FANK1: variants seen among roughly 807,000 people sequenced by gnomAD.
FANK1 encodes the protein fibronectin type III and ankyrin repeat domains 1.
Under a neutral mutation model 45.3 loss-of-function variants are expected in FANK1, and 44 were observed. That is an observed-to-expected ratio of 0.97 (90% CI 0.76 to 1.25). The LOEUF (loss-of-function observed/expected upper bound fraction) is 1.25. FANK1 is among the 50% of genes most tolerant of loss of function. The pLI is 0.00. For missense variants in FANK1, 391 were observed against 424.4 expected, an observed-to-expected ratio of 0.92 and a Z score of 0.69; for synonymous variants, 149 against 152.5, an observed-to-expected ratio of 0.98 and a Z score of 0.17.
chr10:125,946,299 C>T (rs1948795770), intron 1 of FANK1, among the ~76,000 whole-genome samples: 1 of 149,648 alleles, frequency 6.7e-6, no homozygotes, highest in African/African-American at 2.4e-5. Flanking sequence ...TTCAGACGAT[C>T]AAATTACTCT....
At chr10:125,934,736 T>G (rs892674160) in intron 1 of FANK1, among the ~76,000 whole-genome samples, 27 of 126,238 alleles carry the variant, frequency 2.1e-4, no homozygotes, top group South Asian at 1.1e-3. Flanking sequence ...TTTTTTTTTT[T>G]TTTTTTTTTT....
At chr10:125,972,207 T>C (rs1404282096) in intron 1 of FANK1, 6 of 152,194 alleles carry the variant, frequency 3.9e-5, no homozygotes, top group African/African-American at 4.8e-5. Flanking sequence ...TTAAGTGTCA[T>C]ATAAGTGTTG....
At chr10:125,924,183 TTTG>T (rs1947153485) in intron 1 of FANK1, among the ~76,000 whole-genome samples, 1 of 152,204 alleles carries the variant, frequency 6.6e-6, no homozygotes, top group African/African-American at 2.4e-5. Context: ...ATTTCATTTG[TTTG>T]TTATGTTTTT....
chr10:125,930,738 A>G (rs1258016670), intron 1 of FANK1, among the ~76,000 whole-genome samples: 1 of 152,012 alleles, frequency 6.6e-6, no homozygotes, highest in Non-Finnish European at 1.5e-5. Flanking sequence ...ATTTTCCACA[A>G]GTTATTAGGG....
At chr10:125,913,298 T>TGCATGACACCCAAACTCATG (rs1946179854) in intron 1 of FANK1, among the ~76,000 whole-genome samples, 1 of 152,072 alleles carries the variant, frequency 6.6e-6, no homozygotes. Context: ...CCAAACTCAT[T>TGCATGACACCCAAACTCATG]CTGCATGACA....
chr10:125,974,260 A>G (rs11244740), intron 1 of FANK1, among the ~76,000 whole-genome samples: 56,286 of 152,074 alleles, frequency 0.37, 10,720 homozygotes, highest in South Asian at 0.45. Flanking sequence ...TGTGTGCCCC[A>G]CTGGCCTGGG....
At chr10:125,949,849 T>C (rs1381149531) in intron 1 of FANK1, among the ~76,000 whole-genome samples, 7 of 147,640 alleles carry the variant, frequency 4.7e-5, no homozygotes, top group Non-Finnish European at 1.1e-4. Context: ...GGCATCACAC[T>C]ACCTGACTTC....
intron 1 of FANK1, among the ~76,000 whole-genome samples, chr10:125,920,759 C>T (rs1946888650): frequency 6.6e-6 from 1 of 151,856 alleles, no homozygotes; most frequent in Admixed American, 6.6e-5. Context: ...TAGGTGAGGC[C>T]CTTGATTAGA....
At chr10:125,941,837 G>A (rs1404660564) in intron 1 of FANK1, among the ~76,000 whole-genome samples, 1 of 152,236 alleles carries the variant, frequency 6.6e-6, no homozygotes, top group African/African-American at 2.4e-5. Flanking sequence ...TAGCAGCAAA[G>A]CCAAACAATA....
At chr10:125,938,060 T>G (rs1249659853) in intron 1 of FANK1, among the ~76,000 whole-genome samples, 3 of 152,200 alleles carry the variant, frequency 2.0e-5, no homozygotes, top group African/African-American at 7.2e-5. Context: ...ATATGTTTAT[T>G]GGTATATATA....
chr10:126,008,634 T>C (rs985870438), intron 8 of FANK1, 84 bp downstream of exon 8: 70 of 1,490,388 alleles, frequency 4.7e-5, no homozygotes, highest in Middle Eastern at 2.1e-4. Context: ...TTCTTGTGAG[T>C]TCAGCCCTGC....
In FANK1 at chr10:126,008,399, C is replaced by T. The variant is rs764751751; in HGVS notation, c.706-8C>T. On this transcript the variant is annotated splice_region_variant and splice_polypyrimidine_tract_variant and intron_variant, in intron 7 of 10. Transcript: ENST00000368693. ...GGGCTCAACACAGCTGTTTCTCTGG[C>T]CCAACAGGTAGACGTCGTGGACACT... is the stretch of plus-strand genomic sequence containing the variant. The T allele has an allele frequency of 6.3e-7, 1 of 1,583,286 alleles. No homozygotes were observed.
intron 3 of FANK1, among the ~76,000 whole-genome samples, chr10:125,991,238 GT>G (rs1951905261): frequency 9.1e-6 from 1 of 109,492 alleles, no homozygotes; most frequent in South Asian, 2.8e-4. Context: ...TGAGTGTGTG[GT>G]GGTGACCAGG....
chr10:125,922,966 A>T (rs1195044317), intron 1 of FANK1, among the ~76,000 whole-genome samples: 1 of 150,972 alleles, frequency 6.6e-6, no homozygotes, highest in Non-Finnish European at 1.5e-5. Flanking sequence ...TTATTCTCTC[A>T]GTTTGTGTTA....
At position 125,914,735 on chromosome 10, in the gene FANK1, T is replaced by C. The variant is rs1013065958; in HGVS notation, c.13+18080T>C. On this transcript the variant is annotated intron_variant, in intron 1 of 10. Transcript: ENST00000368693. ...GCTCAGATATTGGCTCAGTGGAAAA[T>C]GTGTGGTCTGAAGCTGTAGTCTCCT... is the stretch of plus-strand genomic sequence containing the variant. 6.6e-5 allele frequency among the ~76,000 whole-genome samples: 10 copies of C among 151,942 alleles called. No individual in the cohort carries two copies. The East Asian group carries it at 1.2e-3, about 18-fold the overall frequency.
intron 1 of FANK1, among the ~76,000 whole-genome samples, chr10:125,944,779 T>C (rs542225035): frequency 6.6e-6 from 1 of 152,354 alleles, no homozygotes; most frequent in African/African-American, 2.4e-5. Context: ...ATCCCTTCCT[T>C]TCCCATAAGG....
At chr10:125,965,717 C>A (rs1002795764) in intron 1 of FANK1, among the ~76,000 whole-genome samples, 7 of 152,146 alleles carry the variant, frequency 4.6e-5, no homozygotes, top group Admixed American at 3.9e-4. Context: ...ACCAAGTGTC[C>A]TGTATGATTT....
intron 1 of FANK1, among the ~76,000 whole-genome samples, chr10:125,922,963 C>T (rs1215491213): frequency 6.6e-6 from 1 of 151,612 alleles, no homozygotes; most frequent in Admixed American, 6.6e-5. Context: ...TTTTTATTCT[C>T]TCAGTTTGTG....
intron 1 of FANK1, among the ~76,000 whole-genome samples, chr10:125,920,062 A>G (rs1378789480): frequency 6.6e-6 from 1 of 152,070 alleles, no homozygotes; most frequent in Non-Finnish European, 1.5e-5. Flanking sequence ...TTGAACTTGG[A>G]CTTGGGAGAT....
Sources: allele counts gnomAD v4.1 joint callset (sites outside exome capture counted in the v4.1 genomes callset), GRCh38; gene constraint gnomAD v4.1.1; transcripts MANE v1.5; gene names NCBI Gene and HGNC (gene_info 2026-07-23, HGNC 2026-07-21).